ITGB1BP1: variants seen among roughly 807,000 people sequenced by gnomAD.
ITGB1BP1 encodes the protein integrin subunit beta 1 binding protein 1.
Under a neutral mutation model 28.0 loss-of-function variants are expected in ITGB1BP1, and 20 were observed. The ratio of observed to expected loss-of-function variants is 0.71; its 90% CI spans 0.50 to 1.04. The LOEUF is 1.04. Ranked by LOEUF, ITGB1BP1 falls within the 50% of genes least tolerant of loss-of-function variation. ITGB1BP1 has a pLI of 0.00. For synonymous variants in ITGB1BP1, 103 were observed against 89.5 expected (o/e 1.15, Z -0.85); for missense variants, 228 against 242.5 (o/e 0.94, Z 0.40).
At chr2:9,417,973 C>T (rs1233143093) in intron 2 of ITGB1BP1, among the ~76,000 whole-genome samples, 2 of 152,170 alleles carry the variant, frequency 1.3e-5, no homozygotes, top group Admixed American at 6.5e-5. Context: ...AACAAATACT[C>T]GGTGAATGAA....
rs752583009 is a variant in ITGB1BP1, at chr2:9,406,920, A to AGAT, written c.532-18_532-16dup. The AGAT allele has an allele frequency of 1.3e-5, 20 of 1,579,364 alleles. No individual in the cohort carries two copies. The highest frequency in any genetic ancestry group is 1.7e-5 in the Non-Finnish European group (20 of 1,148,318). On this transcript the variant is annotated splice_polypyrimidine_tract_variant and intron_variant, in intron 6 of 6. Transcript: ENST00000355346. ...TGTGCTTGTTCCTACATTACATGAA[A>AGAT]GATAGAGTAAGAGCAACATTCATCT...
chr2:9,408,761 G>A (rs1011935813), intron 4 of ITGB1BP1, among the ~76,000 whole-genome samples: 8 of 152,198 alleles, frequency 5.3e-5, no homozygotes, highest in African/African-American at 1.7e-4. Context: ...TTACAGGCAT[G>A]AGCCACTGTG....
At chr2:9,423,538 C>G (rs1055141720), upstream of ITGB1BP1, 12 of 1,153,608 alleles carry the variant, frequency 1.0e-5, no homozygotes, top group African/African-American at 1.9e-4. Flanking sequence ...TGCGCAGGCG[C>G]AGTCCTGACG....
chr2:9,421,318 G>A (rs1572743086), intron 1 of ITGB1BP1, among the ~76,000 whole-genome samples: 2 of 152,022 alleles, frequency 1.3e-5, no homozygotes, highest in East Asian at 3.9e-4. Context: ...TCAACCCAGC[G>A]GCTTAGGAAA....
Position 9,403,616 on chromosome 2 carries a change from C to T in ITGB1BP1, c.*3218G>A, listed in dbSNP as rs541453659. On this transcript the variant is annotated 3_prime_UTR_variant, in exon 7 of 7. Coordinates refer to ENST00000355346, the MANE Select transcript of ITGB1BP1 (RefSeq NM_004763.5). ...ATACATAATCAAGATCCTGCCTCTACGGAATTAGCTAAACCTAAAAATGTT... is the reference window on the plus strand; with the variant it reads ...ATACATAATCAAGATCCTGCCTCTATGGAATTAGCTAAACCTAAAAATGTT... The T allele has an allele frequency of 5.6e-5, 19 of 340,986 alleles. No homozygotes were observed. The highest frequency in any genetic ancestry group is 1.1e-4 in the South Asian group (2 of 18,206). The allele number at this position is 340,986 out of a possible 1,614,324, so 21.1% of individuals were successfully genotyped here. A position where few individuals can be genotyped will look rare whatever the true frequency, so the allele number is the denominator to read the frequency against.
chr2:9,418,991 C>T (rs542009911), intron 1 of ITGB1BP1, among the ~76,000 whole-genome samples: 5 of 152,104 alleles, frequency 3.3e-5, no homozygotes, highest in African/African-American at 7.2e-5. Flanking sequence ...TGCTCTCAGG[C>T]GATCCTCCCG....
intron 1 of ITGB1BP1, among the ~76,000 whole-genome samples, chr2:9,422,123 A>G (rs1201928632): frequency 6.6e-6 from 1 of 152,210 alleles, no homozygotes; most frequent in African/African-American, 2.4e-5. Context: ...TATTTCGTGG[A>G]TAAGGGACCT....
At chr2:9,419,091 G>A (rs1679491760) in intron 1 of ITGB1BP1, among the ~76,000 whole-genome samples, 1 of 152,130 alleles carries the variant, frequency 6.6e-6, no homozygotes. Context: ...AGTTACATCA[G>A]GAAATGCAAC....
rs1285999594 is a variant in ITGB1BP1 at position 9,403,948 on chromosome 2, C to T, written c.*2886G>A. 1 of 152,284 alleles carries T rather than the reference C, an allele frequency of 6.6e-6. No homozygotes were observed. Among genetic ancestry groups the T allele is most frequent in the African/African-American group, 2.4e-5 (1 of 41,454 alleles). 9.4% of individuals were successfully genotyped at this position (152,284 alleles called of 1,614,324 possible). ...GTATAACCTGTTGTGAACAATCATACTTAACAAAACTACTGATGGTTTATG... is the reference window on the plus strand; with the variant it reads ...GTATAACCTGTTGTGAACAATCATATTTAACAAAACTACTGATGGTTTATG... On this transcript the variant is annotated 3_prime_UTR_variant, in exon 7 of 7. Transcript: ENST00000355346.
intron 5 of ITGB1BP1, chr2:9,407,898 G>C (rs553967732): frequency 2.0e-5 from 9 of 460,668 alleles, no homozygotes; most frequent in African/African-American, 1.7e-4. Context: ...GTTTGGGGGT[G>C]GGGGGGGCAG....
intron 2 of ITGB1BP1, among the ~76,000 whole-genome samples, chr2:9,416,702 T>C (rs1028997864): frequency 6.6e-6 from 1 of 152,220 alleles, no homozygotes; most frequent in African/African-American, 2.4e-5. Flanking sequence ...TCCACAACTT[T>C]AGGCCTACAA....
chr2:9,409,891 C>G (rs61296583), intron 4 of ITGB1BP1, among the ~76,000 whole-genome samples: 11,661 of 142,704 alleles, frequency 0.082, 1,510 homozygotes, highest in African/African-American at 0.28. Context: ...GTTGCCCAGG[C>G]TGGAGTGCAA....
upstream of ITGB1BP1, chr2:9,423,566 A>G (rs2148927795): frequency 8.9e-7 from 1 of 1,123,034 alleles, no homozygotes; most frequent in Non-Finnish European, 1.2e-6. Flanking sequence ...CCCGGTTCCA[A>G]GACCCCAAGT....
intron 1 of ITGB1BP1, chr2:9,422,475 T>C: frequency 1.0e-6 from 1 of 985,612 alleles, no homozygotes; most frequent in Non-Finnish European, 1.2e-6. Context: ...TGGCTACTTC[T>C]TACCTTTCAA....
Position 9,412,010 on chromosome 2 carries a change from C to G in ITGB1BP1, c.288+259G>C, listed in dbSNP as rs147482067. Reference sequence around the variant, plus strand: ...TGAGCCGAGATTGCACCACTGTACTCCAGCCTGGGCAACAAAAGCGAAACT... The same window carrying G: ...TGAGCCGAGATTGCACCACTGTACTGCAGCCTGGGCAACAAAAGCGAAACT... On this transcript the variant is annotated intron_variant, in intron 4 of 6. Coordinates refer to ENST00000355346, the MANE Select transcript of ITGB1BP1 (RefSeq NM_004763.5). The G allele has an allele frequency of 2.6e-3, 967 of 378,076 alleles. 15 individuals carry two copies. Among genetic ancestry groups the G allele is most frequent in the African/African-American group, 0.019 (900 of 46,328 alleles). The allele number at this position is 378,076 out of a possible 1,614,324, so 23.4% of individuals were successfully genotyped here. A position where few individuals can be genotyped will look rare whatever the true frequency, so the allele number is the denominator to read the frequency against.
rs557267323 is a variant in ITGB1BP1 at position 9,406,045 on chromosome 2, A to G, written c.*789T>C. ...GCCTTCAGTGTGTGTCACTGAGTGGACCTCTGTGACATCTCGTCTTCCTCA... is the reference window on the plus strand; with the variant it reads ...GCCTTCAGTGTGTGTCACTGAGTGGGCCTCTGTGACATCTCGTCTTCCTCA... On this transcript the variant is annotated 3_prime_UTR_variant, in exon 7 of 7. Coordinates refer to ENST00000355346, the MANE Select transcript of ITGB1BP1 (RefSeq NM_004763.5). 41 of 124,592 alleles carry G rather than the reference A, an allele frequency of 3.3e-4. No homozygotes were observed. The highest frequency in any genetic ancestry group is 6.3e-4 in the Non-Finnish European group (35 of 55,772). The allele number at this position is 124,592 out of a possible 1,614,324, so 7.7% of individuals were successfully genotyped here. A position where few individuals can be genotyped will look rare whatever the true frequency, so the allele number is the denominator to read the frequency against.
intron 2 of ITGB1BP1, among the ~76,000 whole-genome samples, chr2:9,416,465 A>C (rs1400576674): frequency 1.3e-5 from 2 of 152,120 alleles, no homozygotes; most frequent in African/African-American, 4.8e-5. Context: ...TCAGGCTCCC[A>C]AGGAGAAGAG....
chr2:9,409,088 G>C (rs1677957845), intron 4 of ITGB1BP1, among the ~76,000 whole-genome samples: 1 of 152,224 alleles, frequency 6.6e-6, no homozygotes, highest in African/African-American at 2.4e-5. Context: ...ACAAAAACAT[G>C]AATTGGGGTT....
At chr2:9,413,154 T>A (rs571456884) in intron 3 of ITGB1BP1, among the ~76,000 whole-genome samples, 3 of 152,278 alleles carry the variant, frequency 2.0e-5, no homozygotes, top group Non-Finnish European at 4.4e-5. Flanking sequence ...TTTCATAATT[T>A]TAAAGGCATC....
Sources: allele counts gnomAD v4.1 joint callset (sites outside exome capture counted in the v4.1 genomes callset), GRCh38; gene constraint gnomAD v4.1.1; transcripts MANE v1.5; gene names NCBI Gene and HGNC (gene_info 2026-07-23, HGNC 2026-07-21).